RASEF: variants seen among roughly 807,000 people sequenced by gnomAD.
The protein encoded by RASEF is RAS and EF-hand domain containing.
In RASEF, 68 loss-of-function variants were observed where a neutral mutation model predicts 90.1. The ratio of observed to expected loss-of-function variants is 0.75; its 90% confidence interval spans 0.62 to 0.92. The LOEUF (loss-of-function observed/expected upper bound fraction) is 0.92, where lower values mean the gene tolerates loss of function less well. RASEF is among the 40% of genes least tolerant of loss of function. The pLI is 0.00. For missense variants in RASEF, 949 were observed against 937.2 expected (o/e 1.01, Z -0.16); for synonymous variants, 331 against 345.2 (o/e 0.96, Z 0.46).
At chr9:83,100,432 A>G in the RASEF span, among the ~76,000 whole-genome samples, 1 of 152,214 alleles carries the variant, frequency 6.6e-6, no homozygotes, top group Non-Finnish European at 1.5e-5. Flanking sequence ...AACCAGTATC[A>G]CAAAGCTTAC....
At chr9:83,188,750 G>A in the RASEF span, among the ~76,000 whole-genome samples, 7 of 152,068 alleles carry the variant, frequency 4.6e-5, no homozygotes, top group East Asian at 1.9e-4. Flanking sequence ...ACATCCCAGC[G>A]TTTGGAAACC....
intron 16 of RASEF, among the ~76,000 whole-genome samples, chr9:82,985,483 A>G (rs919827526): frequency 4.6e-5 from 7 of 152,232 alleles, no homozygotes; most frequent in Admixed American, 4.6e-4. Context: ...GGGTGGGGAC[A>G]CAGCCAAACC....
the RASEF span, among the ~76,000 whole-genome samples, chr9:83,169,399 G>A: frequency 7.0e-6 from 1 of 143,238 alleles, no homozygotes; most frequent in Admixed American, 6.9e-5. Context: ...ACACACAGGA[G>A]TGGGATTGTT....
chr9:83,018,738 G>C (rs1829390032), intron 3 of RASEF, among the ~76,000 whole-genome samples: 1 of 151,974 alleles, frequency 6.6e-6, no homozygotes, highest in South Asian at 2.1e-4. Flanking sequence ...TAGGTATCAA[G>C]ACTTATAAAC....
chr9:83,027,164 G>A lies in RASEF; in HGVS notation c.432-1243C>T, dbSNP rs116056902. On this transcript the variant is annotated intron_variant, in intron 1 of 16. Transcript: ENST00000376447. ...CAAGGTATGGAAGCAGAGTGTGGGTGCACAGAACAACACCCTCCCAGCTCC... is the reference window on the plus strand; with the variant it reads ...CAAGGTATGGAAGCAGAGTGTGGGTACACAGAACAACACCCTCCCAGCTCC... Among the ~76,000 whole-genome samples, 1,102 of 152,274 alleles carry A rather than the reference G, an allele frequency of 7.2e-3. 13 individuals carry two copies. Among genetic ancestry groups the A allele is most frequent in the African/African-American group, 0.025 (1,044 of 41,562 alleles).
At chr9:83,137,148 T>G in the RASEF span, among the ~76,000 whole-genome samples, 3 of 152,136 alleles carry the variant, frequency 2.0e-5, no homozygotes, top group Non-Finnish European at 4.4e-5. Context: ...ATAGCCTATA[T>G]TAAACAATTC....
the RASEF span, among the ~76,000 whole-genome samples, chr9:83,188,493 C>A: frequency 6.6e-6 from 1 of 152,166 alleles, no homozygotes; most frequent in Non-Finnish European, 1.5e-5. Flanking sequence ...GGAAAATATG[C>A]AAATCCATAT....
the RASEF span, among the ~76,000 whole-genome samples, chr9:83,083,517 G>A: frequency 6.6e-6 from 1 of 152,082 alleles, no homozygotes; most frequent in African/African-American, 2.4e-5. Context: ...ATCATCATAT[G>A]TATAGACTAC....
At chr9:83,100,870 T>A in the RASEF span, among the ~76,000 whole-genome samples, 1 of 152,236 alleles carries the variant, frequency 6.6e-6, no homozygotes, top group Admixed American at 6.5e-5. Context: ...TTATCTCTTA[T>A]GTTTTTCATA....
chr9:83,123,391 C>A, the RASEF span, among the ~76,000 whole-genome samples: 1 of 152,140 alleles, frequency 6.6e-6, no homozygotes, highest in Non-Finnish European at 1.5e-5. Flanking sequence ...CTTTGCTGTT[C>A]CCTTCTAACG....
the RASEF span, among the ~76,000 whole-genome samples, chr9:83,123,143 G>A: frequency 6.6e-6 from 1 of 151,676 alleles, no homozygotes; most frequent in Admixed American, 6.6e-5. Context: ...GGGAGGCTGA[G>A]GCAGGAGAAT....
chr9:82,998,578 T>C, intron 12 of RASEF, 132 bp from the exon 13 acceptor site: 2 of 616,882 alleles, frequency 3.2e-6, no homozygotes, highest in Non-Finnish European at 5.8e-6. Flanking sequence ...GAACATGACC[T>C]TTAAGGAGAG....
At chr9:83,066,624 T>A (rs971764377), upstream of RASEF, among the ~76,000 whole-genome samples, 1 of 152,220 alleles carries the variant, frequency 6.6e-6, no homozygotes, top group Non-Finnish European at 1.5e-5. Context: ...TCAGCATGAC[T>A]TTTCGAAAGA....
the RASEF span, among the ~76,000 whole-genome samples, chr9:83,164,252 T>G: frequency 6.7e-6 from 1 of 150,070 alleles, no homozygotes; most frequent in Non-Finnish European, 1.5e-5. Context: ...AAATAAAATT[T>G]TATTTTTCTT....
the RASEF span, among the ~76,000 whole-genome samples, chr9:83,192,194 C>G: frequency 1.3e-5 from 2 of 152,146 alleles, no homozygotes; most frequent in African/African-American, 4.8e-5. Context: ...ACCCAGCAAT[C>G]CCACCACTGG....
chr9:83,015,221 T>C lies in RASEF; in HGVS notation c.765+584A>G, dbSNP rs545000758. 2.3e-4 allele frequency among the ~76,000 whole-genome samples: 35 copies of C among 152,320 alleles called. 1 individual carries two copies. Among genetic ancestry groups the C allele is most frequent in the Middle Eastern group, 6.8e-3 (2 of 294 alleles). On this transcript the variant is annotated intron_variant, in intron 4 of 16. Transcript: ENST00000376447. ...GACCAAGAAAAACAGTCATGAAGCATGCAGTCTACCAGACACAAGGGACTT... is the reference window on the plus strand; with the variant it reads ...GACCAAGAAAAACAGTCATGAAGCACGCAGTCTACCAGACACAAGGGACTT...
At position 82,990,407 on chromosome 9, in the gene RASEF, C is replaced by G. The variant is rs769290617; in HGVS notation, c.2101G>C (p.Val701Leu). ...AKDGSNIVEA[V>L]LHLAREVKKR... ...AAACTTTACCGAGCAAGGTGCAGAA[C>G]AGCCTCCACTATGTTAGAACCATCT... Residue 701 changes from valine to leucine, a missense_variant, in exon 16 of 17, where the codon GTT becomes CTT. Physicochemically the swap from Val to Leu is conservative, Grantham distance 32. Transcript: ENST00000376447. 23 of 1,613,512 alleles carry G rather than the reference C, an allele frequency of 1.4e-5. No individual in the cohort carries two copies. The highest frequency in any genetic ancestry group is 2.2e-5 in the East Asian group (1 of 44,850).
the RASEF span, among the ~76,000 whole-genome samples, chr9:83,163,816 G>A: frequency 1.3e-5 from 2 of 151,862 alleles, no homozygotes; most frequent in Non-Finnish European, 2.9e-5. Flanking sequence ...AAACAATAAT[G>A]ACTGAGAATT....
intron 1 of RASEF, among the ~76,000 whole-genome samples, chr9:83,038,964 G>C (rs1829790665): frequency 6.6e-6 from 1 of 152,056 alleles, no homozygotes; most frequent in African/African-American, 2.4e-5. Context: ...TTTTCAACAA[G>C]GAGACAAAGT....
Sources: allele counts gnomAD v4.1 joint callset (sites outside exome capture counted in the v4.1 genomes callset), GRCh38; gene constraint gnomAD v4.1.1; transcripts MANE v1.5; gene names NCBI Gene and HGNC (gene_info 2026-07-23, HGNC 2026-07-21).